The following DMXL2 variants were observed in gnomAD, a reference collection of about 807,000 sequenced individuals.
DMXL2 encodes the protein Dmx like 2, also known as dmX-like protein 2.
Under a neutral mutation model 331.1 loss-of-function variants are expected in DMXL2, and 103 were observed. That is an observed-to-expected ratio of 0.31 (90% confidence interval 0.27 to 0.37). DMXL2 has a LOEUF of 0.37. Ranked by LOEUF, DMXL2 falls within the 10% of genes least tolerant of loss-of-function variation. The pLI is 1.00. For synonymous variants in DMXL2, 1,281 were observed against 1,252.1 expected, an observed-to-expected ratio of 1.02 and a Z score of -0.49; for missense variants, 3,171 against 3,642.9, an observed-to-expected ratio of 0.87 and a Z score of 3.33.
chr15:51,601,878 G>A (rs568540041), intron 1 of DMXL2, among the ~76,000 whole-genome samples: 1 of 152,114 alleles, frequency 6.6e-6, no homozygotes. Context: ...CATGAACATA[G>A]TATTTATCTC....
At chr15:51,615,471 C>T (rs1567190105) in intron 1 of DMXL2, among the ~76,000 whole-genome samples, 1 of 152,152 alleles carries the variant, frequency 6.6e-6, no homozygotes, top group Non-Finnish European at 1.5e-5. Context: ...AGGACTATCC[C>T]GTGCACTGTA....
Position 51,458,566 on chromosome 15 carries a change from G to A in DMXL2, c.8138C>T (p.Ser2713Phe). ...THDVQELDVTSLLACQSYIWI... is the reference protein window; with the variant it reads ...THDVQELDVTFLLACQSYIWI... ...TATGTATGACTGACAGGCCAGTAGA[G>A]AAGTAACATCAAGTTCTTGAACATC... Residue 2713 changes from serine to phenylalanine, a missense_variant, in exon 36 of 44, where the codon TCT (serine) becomes TTT (phenylalanine). Ser to Phe is a radical substitution (Grantham distance 155). This residue lies in a region of DMXL2 where 766 missense variants were observed against 940.5 expected (regional missense o/e 0.81). Transcript: ENST00000560891. The A allele has an allele frequency of 6.2e-7, 1 of 1,613,926 alleles. No individual in the cohort carries two copies. The highest frequency in any genetic ancestry group is 1.1e-5 in the South Asian group (1 of 91,062).
At position 51,568,320 on chromosome 15, in the gene DMXL2, T is replaced by G. The variant is rs1367634457; in HGVS notation, c.285+167A>C. On this transcript the variant is annotated intron_variant, in intron 3 of 43. Coordinates refer to ENST00000560891, the MANE Select transcript of DMXL2 (RefSeq NM_001378457.1). ...CTTGGGTTTCTAAAAGCACTAGGGA[T>G]GTATCCGTAGTGAATGTAAGGATCC... 3.2e-5 allele frequency: 17 copies of G among 525,858 alleles called. No homozygotes were observed. The South Asian group carries it at 4.5e-4, about 14-fold the overall frequency. 32.6% of individuals were successfully genotyped at this position (525,858 alleles called of 1,614,324 possible).
chr15:51,475,715 T>A (rs1179092663), intron 27 of DMXL2, among the ~76,000 whole-genome samples: 1 of 152,142 alleles, frequency 6.6e-6, no homozygotes, highest in Non-Finnish European at 1.5e-5. Context: ...GTGGGACAAC[T>A]GGCAAAATTC....
intron 9 of DMXL2, among the ~76,000 whole-genome samples, chr15:51,540,035 T>C (rs758499421): frequency 7.9e-5 from 12 of 152,210 alleles, no homozygotes; most frequent in Non-Finnish European, 1.3e-4. Context: ...ATAAATCATA[T>C]AAAATAGGAT....
rs373660948 is a variant in DMXL2 at position 51,450,169 on chromosome 15, T to C, written c.8927A>G (p.Glu2976Gly). ...AIKALALDPY[E>G]EYFTTGSAEG... is the part of the protein sequence containing the mutation. ...TGCTGAACCTGTGGTAAAATATTCC[T>C]CATAGGGATCCAAGGCCAGAGCCTT... The change falls in exon 43 of 44, where the codon GAG becomes GGG. Residue 2976 changes from glutamate to glycine, a missense_variant. By Grantham distance (98) the Glu-to-Gly change is moderately conservative (BLOSUM62 -2). Coordinates refer to ENST00000560891, the MANE Select transcript of DMXL2 (RefSeq NM_001378457.1). 9 of 1,613,916 alleles carry C rather than the reference T, an allele frequency of 5.6e-6. No homozygotes were observed. Among genetic ancestry groups the C allele is most frequent in the Admixed American group, 3.3e-5 (2 of 59,974 alleles).
chr15:51,451,857 T>C (rs2039173111), intron 41 of DMXL2, among the ~76,000 whole-genome samples, 160 bp from the exon 42 acceptor site: 2 of 152,138 alleles, frequency 1.3e-5, no homozygotes, highest in Non-Finnish European at 2.9e-5. Flanking sequence ...AGGATGGGGG[T>C]AGGGTCAAAC....
chr15:51,560,428 A>AT (rs1233624603), intron 6 of DMXL2, among the ~76,000 whole-genome samples: 1 of 149,438 alleles, frequency 6.7e-6, no homozygotes, highest in Non-Finnish European at 1.5e-5. Flanking sequence ...TTGAAGAAAA[A>AT]TTTTTTTAAT....
At chr15:51,465,017 T>C in intron 31 of DMXL2, 141 bp from the exon 32 acceptor site, 1 of 761,450 alleles carries the variant, frequency 1.3e-6, no homozygotes, top group South Asian at 2.0e-5. Context: ...ACAGTTTAGA[T>C]TCTTAATGCT....
At chr15:51,511,496 T>A (rs1395881040) in intron 15 of DMXL2, among the ~76,000 whole-genome samples, 1 of 152,130 alleles carries the variant, frequency 6.6e-6, no homozygotes, top group East Asian at 1.9e-4. Flanking sequence ...TGAGATACCA[T>A]CTCATGCCAG....
intron 1 of DMXL2, among the ~76,000 whole-genome samples, chr15:51,604,876 G>T (rs2053473040): frequency 6.6e-6 from 1 of 152,240 alleles, no homozygotes; most frequent in Non-Finnish European, 1.5e-5. Context: ...CAGTGGTATT[G>T]TGGCAAAAGG....
chr15:51,507,811 TAA>T (rs57858304), intron 15 of DMXL2, among the ~76,000 whole-genome samples: 2,952 of 141,184 alleles, frequency 0.021, 102 homozygotes, highest in African/African-American at 0.071. Context: ...AAAACAGCAT[TAA>T]AAAAAAAAAA....
At chr15:51,576,025 T>C (rs1567139477) in intron 2 of DMXL2, 31 bp downstream of exon 2, 3 of 1,571,000 alleles carry the variant, frequency 1.9e-6, no homozygotes, top group Non-Finnish European at 2.6e-6. Context: ...CATTTTTAAA[T>C]GACATTCAGT....
At chr15:51,592,689 A>C (rs978920494) in intron 1 of DMXL2, among the ~76,000 whole-genome samples, 2 of 152,278 alleles carry the variant, frequency 1.3e-5, no homozygotes, top group Non-Finnish European at 2.9e-5. Context: ...CACAAATGGA[A>C]GCCCATCAGA....
In DMXL2 at chr15:51,499,251, G is replaced by A. The variant is rs764635044; in HGVS notation, c.3973C>T (p.Pro1325Ser). The A allele has an allele frequency of 1.2e-6, 2 of 1,613,900 alleles. No individual in the cohort carries two copies. Among genetic ancestry groups the A allele is most frequent in the African/African-American group, 1.3e-5 (1 of 75,016 alleles). The change falls in exon 18 of 44, where the codon CCA (proline) becomes TCA (serine). Residue 1325 changes from proline to serine, a missense_variant. Coordinates refer to ENST00000560891, the MANE Select transcript of DMXL2 (RefSeq NM_001378457.1). The part of the protein sequence containing the change: ...TAISDDVFCS[P>S]TVIQDGGLFE... ...AAGCCACCATCTTGAATTACAGTTGGTGAACAAAAAACATCATCAGAAATA... is the reference window on the plus strand; with the variant it reads ...AAGCCACCATCTTGAATTACAGTTGATGAACAAAAAACATCATCAGAAATA...
chr15:51,529,224 A>G lies in DMXL2; in HGVS notation c.2436+6439T>C, dbSNP rs1286507321. On this transcript the variant is annotated intron_variant, in intron 13 of 43. Transcript: ENST00000560891. ...GAACTAGAAAAGCAAGAGCATACCA[A>G]ACCCAAAATTGGTAAAGGAAAAGAA... 2.0e-5 allele frequency among the ~76,000 whole-genome samples: 3 copies of G among 152,158 alleles called. No homozygotes were observed. In the East Asian group the frequency reaches 5.8e-4, roughly 29 times the overall value.
chr15:51,606,298 C>G (rs1221820385), intron 1 of DMXL2, among the ~76,000 whole-genome samples: 1 of 152,150 alleles, frequency 6.6e-6, no homozygotes, highest in African/African-American at 2.4e-5. Flanking sequence ...ACCTCTGCCT[C>G]CCGGGTTCAA....
intron 13 of DMXL2, among the ~76,000 whole-genome samples, chr15:51,521,395 A>C (rs991391628): frequency 6.6e-6 from 1 of 151,294 alleles, no homozygotes; most frequent in African/African-American, 2.4e-5. Context: ...ACATACAATA[A>C]TCACTAGATA....
At chr15:51,509,641 G>A (rs1043877163) in intron 15 of DMXL2, among the ~76,000 whole-genome samples, 3 of 152,150 alleles carry the variant, frequency 2.0e-5, no homozygotes, top group African/African-American at 7.2e-5. Flanking sequence ...AGAGGAGCTG[G>A]TACCATTCCT....
Sources: allele counts gnomAD v4.1 joint callset (sites outside exome capture counted in the v4.1 genomes callset), GRCh38; gene constraint gnomAD v4.1.1; regional missense constraint gnomAD v4.1.1; transcripts MANE v1.5; gene names NCBI Gene and HGNC (gene_info 2026-07-23, HGNC 2026-07-21).